IL11RA: variants seen among roughly 807,000 people sequenced by gnomAD.
IL11RA encodes the protein interleukin 11 receptor subunit alpha, also known as interleukin-11 receptor subunit alpha.
Under a neutral mutation model 57.0 loss-of-function variants are expected in IL11RA, and 51 were observed. The observed-to-expected ratio is 0.89, with a 90% CI of 0.71 to 1.13. The LOEUF (loss-of-function observed/expected upper bound fraction) is 1.13, where lower values mean the gene tolerates loss of function less well. Ranked by LOEUF, IL11RA falls within the 50% of genes most tolerant of loss-of-function variation. The pLI is 0.00. For missense variants in IL11RA, 498 were observed against 539.4 expected, an observed-to-expected ratio of 0.92 and a Z score of 0.76; for synonymous variants, 199 against 217.5, an observed-to-expected ratio of 0.91 and a Z score of 0.75.
chr9:34,660,372 CA>C lies in IL11RA; in HGVS notation c.1053del (p.Gln351HisfsTer16). 1 of 1,614,156 alleles carries C rather than the reference CA, an allele frequency of 6.2e-7. No homozygotes were observed. The highest frequency in any genetic ancestry group is 8.5e-7 in the Non-Finnish European group (1 of 1,179,988). On this transcript the variant is annotated frameshift_variant, in exon 10 of 13. Transcript: ENST00000441545. LOFTEE classifies it high-confidence loss of function. ...CCCTGCTCCTCCAAGGCCCTCCCTC[CA>C]ACCACACCCTCGGCTACTTGGTGAG... ...DSPAPPRPSL[Q>X]PHPRLLDHRD...
rs773734789 is a variant in IL11RA, at chr9:34,657,152, G to T, written c.446+3G>T. Reference sequence around the variant, plus strand: ...ACCCGCTACCTCACCTCCTACAGGTGTGTGTGTGATTGGGTGTGGATGCCT... The same window carrying T: ...ACCCGCTACCTCACCTCCTACAGGTTTGTGTGTGATTGGGTGTGGATGCCT... On this transcript the variant is annotated splice_donor_region_variant and intron_variant, in intron 5 of 12. Coordinates refer to ENST00000441545, the MANE Select transcript of IL11RA (RefSeq NM_001142784.3). The T allele has an allele frequency of 1.2e-6, 2 of 1,612,870 alleles. No individual in the cohort carries two copies. Among genetic ancestry groups the T allele is most frequent in the Non-Finnish European group, 1.7e-6 (2 of 1,178,840 alleles).
intron 11 of IL11RA, 89 bp downstream of exon 11, chr9:34,660,689 G>C: frequency 7.8e-7 from 1 of 1,282,386 alleles, no homozygotes; most frequent in Non-Finnish European, 1.1e-6. Context: ...CTTCATGACT[G>C]CCCGCTGAAC....
In IL11RA at chr9:34,657,015, G is replaced by A. The variant is rs553842580; in HGVS notation, c.332-20G>A. On this transcript the variant is annotated intron_variant, in intron 4 of 12. Transcript: ENST00000441545. ...GGACCTGAGGACTGCTCAGTCTCCA[G>A]GTGTACCCTCTGCCTCTAGACCCTC... The A allele has an allele frequency of 7.7e-5, 124 of 1,612,712 alleles. No homozygotes were observed. The East Asian group carries it at 1.5e-3, about 20-fold the overall frequency.
chr9:34,655,239 C>A lies in IL11RA; in HGVS notation c.22C>A (p.Leu8Met). 6.2e-7 allele frequency: 1 copy of A among 1,612,018 alleles called. No individual in the cohort carries two copies. Among genetic ancestry groups the A allele is most frequent in the Non-Finnish European group, 8.5e-7 (1 of 1,179,170 alleles). ...ACAGATGAGCAGCAGCTGCTCAGGG[C>A]TGAGCAGGGTCCTGGTGGCCGTGGC... MSSSCSG[L>M]SRVLVAVATA... The change falls in exon 2 of 13, where the codon CTG (leucine) becomes ATG (methionine). Residue 8 changes from leucine to methionine, a missense_variant. Coordinates refer to ENST00000441545, the MANE Select transcript of IL11RA (RefSeq NM_001142784.3).
intron 3 of IL11RA, among the ~76,000 whole-genome samples, 192 bp from the exon 4 acceptor site, chr9:34,656,547 G>A (rs1564104536): frequency 6.6e-6 from 1 of 152,240 alleles, no homozygotes; most frequent in Non-Finnish European, 1.5e-5. Context: ...TTTTCAGTGG[G>A]TGAGGGGGAG....
At chr9:34,659,655 A>G (rs570606201) in intron 8 of IL11RA, 104 bp from the exon 9 acceptor site, 6 of 1,405,546 alleles carry the variant, frequency 4.3e-6, no homozygotes, top group South Asian at 1.2e-5. Flanking sequence ...CAGCTCCACT[A>G]GGCTTTAGGA....
Position 34,656,664 on chromosome 9 carries a change from A to T in IL11RA, c.162-75A>T, listed in dbSNP as rs567162166. The T allele has an allele frequency of 4.0e-4, 612 of 1,546,768 alleles. 2 individuals are homozygous for T. The highest frequency in any genetic ancestry group is 3.6e-3 in the African/African-American group (267 of 73,524). ...CTATTGCAAATGCAGTTAGAAGCCA[A>T]TGGAGAGCTGTGGCATGGTCTGACT... is the stretch of plus-strand genomic sequence containing the variant. On this transcript the variant is annotated intron_variant, in intron 3 of 12. Coordinates refer to ENST00000441545, the MANE Select transcript of IL11RA (RefSeq NM_001142784.3).
intron 9 of IL11RA, 117 bp downstream of exon 9, chr9:34,660,017 G>A: frequency 7.3e-7 from 1 of 1,374,734 alleles, no homozygotes. Flanking sequence ...CACGGCAATT[G>A]CTGTCCCAGA....
intron 12 of IL11RA, 73 bp downstream of exon 12, chr9:34,661,009 G>T: frequency 4.1e-6 from 5 of 1,226,632 alleles, no homozygotes; most frequent in Middle Eastern, 1.9e-4. Context: ...TTAAGAGCTG[G>T]CTGCCCTAGT....
intron 1 of IL11RA, among the ~76,000 whole-genome samples, chr9:34,652,940 C>T (rs1302026896): frequency 6.6e-6 from 1 of 152,182 alleles, no homozygotes; most frequent in Admixed American, 6.5e-5. Context: ...TGCTGTCTTA[C>T]TAGAGATACC....
Position 34,660,515 on chromosome 9 carries a change from T to C in IL11RA, c.1084T>C (p.Ser362Pro), listed in dbSNP as rs780301275. ...GCCCTCCCCCTCAGATCACAGGGAC[T>C]CTGTGGAGCAGGTAGCTGTGCTGGC... is the stretch of plus-strand genomic sequence containing the variant. ...PHPRLLDHRDSVEQVAVLASL... is the reference protein window; with the variant it reads ...PHPRLLDHRDPVEQVAVLASL... Residue 362 changes from serine (S) to proline (P), a missense_variant, in exon 11 of 13, where the codon TCT becomes CCT. Transcript: ENST00000441545. 1 of 1,614,196 alleles carries C rather than the reference T, an allele frequency of 6.2e-7. No individual in the cohort carries two copies. The highest frequency in any genetic ancestry group is 8.5e-7 in the Non-Finnish European group (1 of 1,180,014).
intron 11 of IL11RA, 84 bp downstream of exon 11, chr9:34,660,684 T>G: frequency 7.7e-7 from 1 of 1,299,238 alleles, no homozygotes; most frequent in Non-Finnish European, 1.1e-6. Flanking sequence ...CCACCCTTCA[T>G]GACTGCCCGC....
In IL11RA at chr9:34,655,594, G is replaced by T; in HGVS notation, c.101-11G>T. 1 of 1,613,696 alleles carries T rather than the reference G, an allele frequency of 6.2e-7. No individual in the cohort carries two copies. The highest frequency in any genetic ancestry group is 8.5e-7 in the Non-Finnish European group (1 of 1,179,648). On this transcript the variant is annotated splice_polypyrimidine_tract_variant and intron_variant, in intron 2 of 12. Coordinates refer to ENST00000441545, the MANE Select transcript of IL11RA (RefSeq NM_001142784.3). Reference sequence around the variant, plus strand: ...AAAGGAAGAGCCTTACCTCAGAAGTGCCCTCCACAGGGGTCCAGTATGGGC... The same window carrying T: ...AAAGGAAGAGCCTTACCTCAGAAGTTCCCTCCACAGGGGTCCAGTATGGGC...
chr9:34,654,466 A>AT (rs1183373854), intron 1 of IL11RA, among the ~76,000 whole-genome samples: 1 of 90,052 alleles, frequency 1.1e-5, no homozygotes, highest in Non-Finnish European at 2.2e-5. Context: ...CCCTGTCTCC[A>AT]TTTCCATCTG....
chr9:34,660,157 A>G (rs112044330), intron 9 of IL11RA, 117 bp from the exon 10 acceptor site: 33 of 1,488,424 alleles, frequency 2.2e-5, no homozygotes, highest in South Asian at 2.0e-4. Flanking sequence ...GCCATGCCCT[A>G]TCAGGCTCCT....
rs763725282 is a variant in IL11RA at position 34,660,955 on chromosome 9, A to T, written c.1252+19A>T. ...CGTCCAGGTGAGTAGGACATCCAGAAGATTTGGACTTGGAGATGTTTGCCC... is the reference window on the plus strand; with the variant it reads ...CGTCCAGGTGAGTAGGACATCCAGATGATTTGGACTTGGAGATGTTTGCCC... On this transcript the variant is annotated intron_variant, in intron 12 of 12. Transcript: ENST00000441545. 1.3e-5 allele frequency: 20 copies of T among 1,549,452 alleles called. No individual in the cohort carries two copies. The highest frequency in any genetic ancestry group is 1.8e-5 in the Non-Finnish European group (20 of 1,132,394).
At chr9:34,659,211 C>T (rs541213277) in intron 8 of IL11RA, among the ~76,000 whole-genome samples, 4 of 152,176 alleles carry the variant, frequency 2.6e-5, no homozygotes, top group South Asian at 2.1e-4. Flanking sequence ...GTGTGAGCCA[C>T]GGCGCCCGGC....
In IL11RA at chr9:34,657,124, C is replaced by G; in HGVS notation, c.421C>G (p.Pro141Ala). 1.2e-6 allele frequency: 2 copies of G among 1,614,090 alleles called. No homozygotes were observed. The highest frequency in any genetic ancestry group is 1.7e-6 in the Non-Finnish European group (2 of 1,179,938). The change falls in exon 5 of 13, where the codon CCC becomes GCC. Residue 141 changes from proline to alanine, a missense_variant. Physicochemically the swap from Pro to Ala is conservative, Grantham distance 27. Coordinates refer to ENST00000441545, the MANE Select transcript of IL11RA (RefSeq NM_001142784.3). ...GAGTCCCAGCCAGATCAGCGGTTTA[C>G]CCACCCGCTACCTCACCTCCTACAG... Reference protein sequence around the residue: ...TWSPSQISGLPTRYLTSYRKK... With the variant: ...TWSPSQISGLATRYLTSYRKK...
Sources: allele counts gnomAD v4.1 joint callset (sites outside exome capture counted in the v4.1 genomes callset), GRCh38; gene constraint gnomAD v4.1.1; transcripts MANE v1.5; gene names NCBI Gene and HGNC (gene_info 2026-07-23, HGNC 2026-07-21).